The following SOS2 variants were observed in gnomAD, a reference collection of about 807,000 sequenced individuals.
The protein encoded by SOS2 is SOS Ras/Rho guanine nucleotide exchange factor 2, also known as son of sevenless homolog 2.
Under a neutral mutation model 148.2 loss-of-function variants are expected in SOS2, and 65 were observed. That is an observed-to-expected ratio of 0.44 (90% CI 0.36 to 0.54). SOS2 has a LOEUF of 0.54. Ranked by LOEUF, SOS2 falls within the 20% of genes least tolerant of loss-of-function variation. The pLI is 0.00. For synonymous variants in SOS2, 539 were observed against 537.1 expected (o/e 1.00, Z -0.05); for missense variants, 1,341 against 1,590.2 (o/e 0.84, Z 2.67).
intron 21 of SOS2, among the ~76,000 whole-genome samples, chr14:50,125,001 AC>A (rs1286293384): frequency 1.2e-4 from 19 of 152,364 alleles, no homozygotes; most frequent in Admixed American, 4.6e-4. Context: ...CTACGATGGC[AC>A]AGTGTTATGG....
At chr14:50,143,292 C>T (rs1471782133) in intron 16 of SOS2, among the ~76,000 whole-genome samples, 3 of 145,874 alleles carry the variant, frequency 2.1e-5, no homozygotes, top group Non-Finnish European at 3.0e-5. Flanking sequence ...GCCACTGGCA[C>T]TCCAGCCTGG....
intron 14 of SOS2, among the ~76,000 whole-genome samples, chr14:50,147,090 G>C: frequency 6.6e-6 from 1 of 151,616 alleles, no homozygotes; most frequent in South Asian, 2.1e-4. Context: ...TCCTGCTACT[G>C]AGAGACTGAG....
intron 8 of SOS2, among the ~76,000 whole-genome samples, chr14:50,167,055 C>T (rs1031563995): frequency 6.6e-6 from 1 of 151,732 alleles, no homozygotes; most frequent in Non-Finnish European, 1.5e-5. Context: ...AAAGAAATAA[C>T]CTAAAAACCC....
rs1887073906 is a variant in SOS2 at position 50,217,684 on chromosome 14, C to T, written c.88-13275G>A. Among the ~76,000 whole-genome samples the T allele has an allele frequency of 3.3e-5, 5 of 152,092 alleles. No individual in the cohort carries two copies. In the South Asian group the frequency reaches 1.0e-3, roughly 32 times the overall value. On this transcript the variant is annotated intron_variant, in intron 1 of 22. Transcript: ENST00000216373. ...AAAATTTAAAACTTTTGGCCGGGTG[C>T]GGTGGCTCACGCCTGTAATCCCAGC...
intron 21 of SOS2, among the ~76,000 whole-genome samples, chr14:50,125,133 G>C (rs1222320635): frequency 6.6e-6 from 1 of 152,138 alleles, no homozygotes; most frequent in Non-Finnish European, 1.5e-5. Context: ...CATTAAAATG[G>C]ATCCAAATCC....
rs1372295679 is a variant in SOS2, at chr14:50,193,452, G to C, written c.511-4752C>G. 3.3e-5 allele frequency among the ~76,000 whole-genome samples: 5 copies of C among 152,126 alleles called. No individual in the cohort carries two copies. In the East Asian group the frequency reaches 9.6e-4, roughly 29 times the overall value. Reference sequence around the variant, plus strand: ...TTATATACTAGAAGTTAAATTCTATGGTTCTTTCCTATGATCATCTAATTC... The same window carrying C: ...TTATATACTAGAAGTTAAATTCTATCGTTCTTTCCTATGATCATCTAATTC... On this transcript the variant is annotated intron_variant, in intron 4 of 22. Coordinates refer to ENST00000216373, the MANE Select transcript of SOS2 (RefSeq NM_006939.4).
chr14:50,217,783 C>T (rs948018739), intron 1 of SOS2, among the ~76,000 whole-genome samples: 79 of 151,964 alleles, frequency 5.2e-4, no homozygotes, highest in African/African-American at 1.9e-3. Flanking sequence ...GGTGAAACCC[C>T]GTCTGTACTA....
intron 8 of SOS2, among the ~76,000 whole-genome samples, chr14:50,166,936 ACGG>A (rs1289565068): frequency 6.6e-6 from 1 of 152,122 alleles, no homozygotes; most frequent in Non-Finnish European, 1.5e-5. Context: ...GGCTGGGCAC[ACGG>A]GCTCATGCCT....
In SOS2 at chr14:50,118,217, G is replaced by C. The variant is rs752848953; in HGVS notation, c.*127C>G. The stretch of plus-strand genomic sequence containing the variant: ...TTTTCCAATTCTTAAAAGCTTATTT[G>C]ATCAGTAGCATTTTTGTAAGAGCAT... On this transcript the variant is annotated 3_prime_UTR_variant, in exon 23 of 23. Coordinates refer to ENST00000216373, the MANE Select transcript of SOS2 (RefSeq NM_006939.4). The C allele has an allele frequency of 1.3e-6, 1 of 771,728 alleles. No individual in the cohort carries two copies. The highest frequency in any genetic ancestry group is 2.1e-6 in the Non-Finnish European group (1 of 486,786). 47.8% of individuals were successfully genotyped at this position (771,728 alleles called of 1,614,324 possible). A position where few individuals can be genotyped will look rare whatever the true frequency, so the allele number is the denominator to read the frequency against.
chr14:50,120,631 T>C (rs1217489891), intron 21 of SOS2, among the ~76,000 whole-genome samples: 1 of 152,070 alleles, frequency 6.6e-6, no homozygotes, highest in Non-Finnish European at 1.5e-5. Context: ...TATTTAATTA[T>C]GATTAATGAG....
chr14:50,139,872 C>A (rs1884212081), intron 17 of SOS2, 70 bp downstream of exon 17: 3 of 686,052 alleles, frequency 4.4e-6, no homozygotes, highest in South Asian at 1.9e-5. Flanking sequence ...AGATAACATG[C>A]CTCTGAAGAC....
rs753611130 is a variant in SOS2, at chr14:50,201,016, T to C, written c.282A>G (p.Ile94Met). Residue 94 changes from isoleucine to methionine, a missense_variant, in exon 3 of 23, where the codon ATA (isoleucine) becomes ATG (methionine). Transcript: ENST00000216373. The stretch of plus-strand genomic sequence containing the variant: ...GAGGATTTCTTCGTTTTCGTTTTTC[T>C]ATAGCAGATTGTGCATCAGCAATGG... ...KWAIADAQSA[I>M]EKRKRRNPLL... The C allele has an allele frequency of 6.2e-7, 1 of 1,614,006 alleles. No individual in the cohort carries two copies. The highest frequency in any genetic ancestry group is 8.5e-7 in the Non-Finnish European group (1 of 1,179,898).
intron 12 of SOS2, among the ~76,000 whole-genome samples, chr14:50,153,770 G>A (rs1336134478): frequency 6.6e-6 from 1 of 152,110 alleles, no homozygotes; most frequent in Non-Finnish European, 1.5e-5. Context: ...CCGCCACCAT[G>A]CTGGGCTAAT....
At chr14:50,207,397 G>T (rs1246249436) in intron 1 of SOS2, among the ~76,000 whole-genome samples, 1 of 151,980 alleles carries the variant, frequency 6.6e-6, no homozygotes, top group Non-Finnish European at 1.5e-5. Context: ...TGTAGTCCCA[G>T]CTACTCAGAA....
Position 50,130,771 on chromosome 14 carries a change from A to G in SOS2, c.3076-9T>C, listed in dbSNP as rs1238197872. The G allele has an allele frequency of 2.5e-6, 4 of 1,588,546 alleles. No homozygotes were observed. Among genetic ancestry groups the G allele is most frequent in the African/African-American group, 1.4e-5 (1 of 73,704 alleles). On this transcript the variant is annotated splice_polypyrimidine_tract_variant and intron_variant, in intron 19 of 22. Transcript: ENST00000216373. ...AAAGTTGATTTCCTAGGCTGAGAAA[A>G]GCAAACATAATTAATGTCACAAATT... is the stretch of plus-strand genomic sequence containing the variant.
chr14:50,177,418 A>G (rs1212505280), intron 7 of SOS2, among the ~76,000 whole-genome samples: 1 of 151,362 alleles, frequency 6.6e-6, no homozygotes, highest in Non-Finnish European at 1.5e-5. Flanking sequence ...AACTGAATGA[A>G]TTTTTTTTTA....
chr14:50,133,645 T>G (rs1168505798), intron 19 of SOS2, among the ~76,000 whole-genome samples: 1 of 152,200 alleles, frequency 6.6e-6, no homozygotes, highest in African/African-American at 2.4e-5. Flanking sequence ...TACTTAGAGT[T>G]CATCTTCTAC....
intron 9 of SOS2, among the ~76,000 whole-genome samples, chr14:50,161,021 G>GA (rs969266431): frequency 1.6e-4 from 24 of 151,454 alleles, no homozygotes; most frequent in African/African-American, 5.6e-4. Context: ...TTAAAAAAAA[G>GA]AAAAAAAGGC....
intron 1 of SOS2, among the ~76,000 whole-genome samples, chr14:50,209,382 C>T (rs556533034): frequency 4.3e-4 from 64 of 149,594 alleles, no homozygotes; most frequent in South Asian, 3.0e-3. Context: ...AAATAATGTA[C>T]CCATGCAGGA....
Sources: gnomAD v4.1 joint callset for allele counts (sites outside exome capture counted in the v4.1 genomes callset) on GRCh38, gnomAD v4.1.1 for gene constraint, MANE v1.5 for transcripts, NCBI Gene and HGNC (gene_info 2026-07-23, HGNC 2026-07-21) for gene names.